GGPS1: variants seen among roughly 807,000 people sequenced by gnomAD.
The protein encoded by GGPS1 is geranylgeranyl diphosphate synthase 1.
In GGPS1, 15 loss-of-function variants were observed where a neutral mutation model predicts 28.1. The observed-to-expected ratio is 0.53, with a 90% confidence interval of 0.36 to 0.82. GGPS1 has a LOEUF of 0.82. GGPS1 is among the 40% of genes least tolerant of loss of function. The pLI is 0.01. For synonymous variants in GGPS1, 138 were observed against 122.4 expected (o/e 1.13, Z -0.84); for missense variants, 284 against 348.3 (o/e 0.82, Z 1.47).
Position 235,344,085 on chromosome 1 carries a change from G to A in GGPS1, c.*1313G>A, listed in dbSNP as rs1676135798. 6.1e-6 allele frequency: 1 copy of A among 162,914 alleles called. No homozygotes were observed. The highest frequency in any genetic ancestry group is 6.8e-5 in the Admixed American group (1 of 14,648). 10.1% of individuals were successfully genotyped at this position (162,914 alleles called of 1,614,324 possible). A position where few individuals can be genotyped will look rare whatever the true frequency, so the allele number is the denominator to read the frequency against. Reference sequence around the variant, plus strand: ...CTTTTTAGTGCCTTAACCCTGACCTGGTTACCAGTTTTCTGTAGTTTCTAC... The same window carrying A: ...CTTTTTAGTGCCTTAACCCTGACCTAGTTACCAGTTTTCTGTAGTTTCTAC... On this transcript the variant is annotated 3_prime_UTR_variant, in exon 4 of 4. Transcript: ENST00000282841.
chr1:235,333,768 C>G (rs1450301719), intron 1 of GGPS1, among the ~76,000 whole-genome samples: 1 of 152,050 alleles, frequency 6.6e-6, no homozygotes, highest in Non-Finnish European at 1.5e-5. Context: ...TTGAACAGCC[C>G]TAACCACAAA....
chr1:235,335,800 A>G (rs1365827906), intron 2 of GGPS1, among the ~76,000 whole-genome samples: 1 of 152,222 alleles, frequency 6.6e-6, no homozygotes, highest in Admixed American at 6.5e-5. Flanking sequence ...GATATTACGC[A>G]TTCAGATTCC....
At chr1:235,328,341 GATACAAACA>G (rs1317305006), upstream of GGPS1, 1 of 152,208 alleles carries the variant, frequency 6.6e-6, no homozygotes, top group Non-Finnish European at 1.5e-5. Flanking sequence ...TTGGTCCCTG[GATACAAACA>G]ACGACGCCAT....
At chr1:235,333,372 A>G (rs1270965057) in intron 1 of GGPS1, among the ~76,000 whole-genome samples, 1 of 151,874 alleles carries the variant, frequency 6.6e-6, no homozygotes, top group Non-Finnish European at 1.5e-5. Context: ...TTTTGAGACC[A>G]GCCTGGCCAA....
intron 2 of GGPS1, among the ~76,000 whole-genome samples, chr1:235,336,114 T>C (rs372526077): frequency 4.3e-4 from 65 of 152,276 alleles, no homozygotes; most frequent in African/African-American, 1.5e-3. Context: ...GTCTGGAGGC[T>C]GGGCGTGGTG....
intron 3 of GGPS1, 75 bp downstream of exon 3, chr1:235,341,853 T>C: frequency 2.0e-6 from 2 of 982,830 alleles, no homozygotes; most frequent in Non-Finnish European, 3.2e-6. Flanking sequence ...TAGTTCTTGA[T>C]TGAATTTAGT....
chr1:235,332,646 C>T (rs1244687546), intron 1 of GGPS1, among the ~76,000 whole-genome samples: 1 of 152,032 alleles, frequency 6.6e-6, no homozygotes. Flanking sequence ...GAAATATGTG[C>T]AAAAGTCTTG....
chr1:235,335,008 T>A (rs566424069), intron 1 of GGPS1, among the ~76,000 whole-genome samples: 2 of 151,956 alleles, frequency 1.3e-5, no homozygotes, highest in East Asian at 3.9e-4. Flanking sequence ...AGAGACAAGG[T>A]TTTGCCATGT....
At chr1:235,335,598 A>G (rs1219126044) in intron 2 of GGPS1, among the ~76,000 whole-genome samples, 1 of 152,154 alleles carries the variant, frequency 6.6e-6, no homozygotes, top group Non-Finnish European at 1.5e-5. Context: ...GTTTAAGGCT[A>G]TAGTGCACAA....
At chr1:235,334,430 T>C (rs940097748) in intron 1 of GGPS1, among the ~76,000 whole-genome samples, 2 of 152,192 alleles carry the variant, frequency 1.3e-5, no homozygotes, top group Non-Finnish European at 2.9e-5. Flanking sequence ...ATATAATCAC[T>C]TGAATGAAGA....
intron 2 of GGPS1, among the ~76,000 whole-genome samples, chr1:235,340,827 C>T (rs1375926900): frequency 6.7e-6 from 1 of 148,776 alleles, no homozygotes; most frequent in Non-Finnish European, 1.5e-5. Flanking sequence ...TAGCTTTTGA[C>T]TAAACTCAGG....
At chr1:235,329,936 T>G (rs553401871) in intron 1 of GGPS1, 12 of 152,356 alleles carry the variant, frequency 7.9e-5, no homozygotes, top group African/African-American at 2.9e-4. Context: ...TGAACAAATT[T>G]CTGGCAGCTT....
At position 235,342,038 on chromosome 1, in the gene GGPS1, C is replaced by G. The variant is rs1676061415; in HGVS notation, c.169C>G (p.His57Asp). ...TATTATTGAAGTGACAGAAATGTTG[C>G]ATAATGCCAGTTTACTCATCGATGA... is the stretch of plus-strand genomic sequence containing the variant. ...QIIIEVTEML[H>D]NASLLIDDIE... is the part of the protein sequence containing the mutation. The change falls in exon 4 of 4, where the codon CAT (histidine) becomes GAT (aspartate). Residue 57 changes from histidine to aspartate, a missense_variant. Transcript: ENST00000282841. The G allele has an allele frequency of 5.6e-6, 9 of 1,593,822 alleles. No homozygotes were observed. Among genetic ancestry groups the G allele is most frequent in the South Asian group, 1.1e-5 (1 of 87,942 alleles).
At chr1:235,331,188 A>T (rs1477073127) in intron 1 of GGPS1, among the ~76,000 whole-genome samples, 1 of 152,116 alleles carries the variant, frequency 6.6e-6, no homozygotes, top group East Asian at 1.9e-4. Flanking sequence ...CTTTGGTATT[A>T]ATTGTTAGTC....
chr1:235,341,492 T>G (rs2789368), intron 2 of GGPS1, among the ~76,000 whole-genome samples: 7 of 152,276 alleles, frequency 4.6e-5, no homozygotes, highest in African/African-American at 1.4e-4. Context: ...TGCCCTAATT[T>G]TAGAAGGTTG....
Position 235,342,924 on chromosome 1 carries a change from A to G in GGPS1, c.*152A>G. 1 of 587,574 alleles carries G rather than the reference A, an allele frequency of 1.7e-6. No individual in the cohort carries two copies. The allele number at this position is 587,574 out of a possible 1,614,324, so 36.4% of individuals were successfully genotyped here. A position where few individuals can be genotyped will look rare whatever the true frequency, so the allele number is the denominator to read the frequency against. On this transcript the variant is annotated 3_prime_UTR_variant, in exon 4 of 4. Coordinates refer to ENST00000282841, the MANE Select transcript of GGPS1 (RefSeq NM_004837.4). Reference sequence around the variant, plus strand: ...GCAAGTGAATTCGTTTTCATTTAGAAGCCCCTCTGTACAGATAATCAAAAT... The same window carrying G: ...GCAAGTGAATTCGTTTTCATTTAGAGGCCCCTCTGTACAGATAATCAAAAT...
chr1:235,341,665 TA>T, intron 2 of GGPS1, 42 bp from the exon 3 acceptor site: 1 of 1,068,516 alleles, frequency 9.4e-7, no homozygotes, highest in Non-Finnish European at 1.5e-6. Flanking sequence ...TACTCATAAT[TA>T]AAACACTTAT....
At chr1:235,331,093 C>T (rs770655838) in intron 1 of GGPS1, among the ~76,000 whole-genome samples, 2 of 152,090 alleles carry the variant, frequency 1.3e-5, no homozygotes, top group Non-Finnish European at 2.9e-5. Context: ...TAATAGGTTA[C>T]CTAACTAAAT....
rs1193629693 is a variant in GGPS1 at position 235,343,279 on chromosome 1, GGCGC to G, written c.*509_*512del. The G allele has an allele frequency of 6.0e-6, 1 of 167,060 alleles. No individual in the cohort carries two copies. The highest frequency in any genetic ancestry group is 1.5e-5 in the Non-Finnish European group (1 of 68,480). 10.3% of individuals were successfully genotyped at this position (167,060 alleles called of 1,614,324 possible). A position where few individuals can be genotyped will look rare whatever the true frequency, so the allele number is the denominator to read the frequency against. The stretch of plus-strand genomic sequence containing the variant: ...CTATGAAAAGGCTGATAATGGGCTG[GGCGC>G]GGTGGCTCACGCCTGTAATCCCAGC... On this transcript the variant is annotated 3_prime_UTR_variant, in exon 4 of 4. Transcript: ENST00000282841.
Sources: allele counts gnomAD v4.1 joint callset (sites outside exome capture counted in the v4.1 genomes callset), GRCh38; gene constraint gnomAD v4.1.1; transcripts MANE v1.5; gene names NCBI Gene and HGNC (gene_info 2026-07-23, HGNC 2026-07-21).